Variants in FSIP1 observed in about 807,000 individuals in gnomAD.
The protein encoded by FSIP1 is fibrous sheath interacting protein 1, also known as fibrous sheath-interacting protein 1.
Under a neutral mutation model 60.9 loss-of-function variants are expected in FSIP1, and 65 were observed. The observed-to-expected ratio is 1.07, with a 90% CI of 0.87 to 1.31. FSIP1 has a LOEUF of 1.31. FSIP1 is among the 40% of genes most tolerant of loss of function. The probability of loss-of-function intolerance (pLI) is 0.00; values close to 1 mark genes in which losing one functional copy is unlikely to be tolerated. For missense variants in FSIP1, 675 were observed against 665.5 expected, an observed-to-expected ratio of 1.01 and a Z score of -0.16; for synonymous variants, 209 against 221.2, an observed-to-expected ratio of 0.94 and a Z score of 0.49.
chr15:39,761,857 T>C (rs1897510894), intron 5 of FSIP1, among the ~76,000 whole-genome samples: 1 of 152,192 alleles, frequency 6.6e-6, no homozygotes, highest in African/African-American at 2.4e-5. Context: ...CAATTTACAA[T>C]AAAAATTTTT....
rs750354141 is a variant in FSIP1 at position 39,741,804 on chromosome 15, C to A, written c.655+1G>T. On this transcript the variant is annotated splice_donor_variant, in intron 6 of 11. Coordinates refer to ENST00000350221, the MANE Select transcript of FSIP1 (RefSeq NM_152597.5). LOFTEE classifies it high-confidence loss of function. ...GTATAATCACACAAATTTAAATATA[C>A]CTTTATTGAGTTTCTGCATCTGCAT... The A allele has an allele frequency of 1.3e-5, 19 of 1,476,722 alleles. 1 individual carries two copies. The East Asian group carries it at 1.8e-4, about 14-fold the overall frequency. The allele number at this position is 1,476,722 out of a possible 1,614,324, so 91.5% of individuals were successfully genotyped here.
At position 39,756,191 on chromosome 15, in the gene FSIP1, T is replaced by C. The variant is rs76202788; in HGVS notation, c.559+7630A>G. On this transcript the variant is annotated intron_variant, in intron 5 of 11. Coordinates refer to ENST00000350221, the MANE Select transcript of FSIP1 (RefSeq NM_152597.5). ...TCTCTTGGAGTCAAGGCATCTTTTG[T>C]GTTTAGCACCTATAAATAAAAGTAA... 6.5e-3 allele frequency among the ~76,000 whole-genome samples: 996 copies of C among 152,294 alleles called. 8 individuals are homozygous for C. The highest frequency in any genetic ancestry group is 0.023 in the African/African-American group (942 of 41,580).
intron 10 of FSIP1, among the ~76,000 whole-genome samples, chr15:39,668,885 A>G (rs1022846723): frequency 2.6e-5 from 4 of 152,350 alleles, no homozygotes; most frequent in African/African-American, 9.6e-5. Flanking sequence ...GGAATAAGAC[A>G]CAGGTTATTC....
At chr15:39,702,673 A>G (rs1041957381) in intron 10 of FSIP1, among the ~76,000 whole-genome samples, 1 of 150,794 alleles carries the variant, frequency 6.6e-6, no homozygotes, top group African/African-American at 2.4e-5. Flanking sequence ...CCTCAATGCT[A>G]TACTGTTTAA....
intron 8 of FSIP1, among the ~76,000 whole-genome samples, chr15:39,732,729 T>G (rs1032082724): frequency 4.6e-5 from 7 of 152,178 alleles, no homozygotes; most frequent in Admixed American, 4.6e-4. Context: ...TCATTTAGTC[T>G]TCTTTAAGCT....
intron 9 of FSIP1, among the ~76,000 whole-genome samples, chr15:39,721,726 G>A (rs992837915): frequency 2.6e-5 from 4 of 152,198 alleles, no homozygotes; most frequent in African/African-American, 4.8e-5. Flanking sequence ...GCAGCAAACC[G>A]GAGAATCTGT....
chr15:39,634,563 A>G (rs956222145), intron 10 of FSIP1, among the ~76,000 whole-genome samples: 7 of 152,238 alleles, frequency 4.6e-5, no homozygotes, highest in Admixed American at 6.5e-5. Context: ...CTATTTGTCA[A>G]TGTAACTTTC....
At chr15:39,721,533 T>C (rs1895979588) in intron 9 of FSIP1, among the ~76,000 whole-genome samples, 1 of 152,252 alleles carries the variant, frequency 6.6e-6, no homozygotes, top group Non-Finnish European at 1.5e-5. Context: ...TCCTACAAGC[T>C]ACCTTGAGGT....
At chr15:39,780,842 C>A (rs1373646335) in intron 1 of FSIP1, among the ~76,000 whole-genome samples, 2 of 152,180 alleles carry the variant, frequency 1.3e-5, no homozygotes, top group African/African-American at 4.8e-5. Flanking sequence ...CCTGCCTCAG[C>A]CTGTCAAAGT....
intron 2 of FSIP1, among the ~76,000 whole-genome samples, chr15:39,770,922 CACTGGGATGGGCA>C (rs1416330380): frequency 6.6e-6 from 1 of 152,196 alleles, no homozygotes. Context: ...CTTGAGCTCA[CACTGGGATGGGCA>C]GTCAAAGGTC....
intron 10 of FSIP1, among the ~76,000 whole-genome samples, chr15:39,668,983 T>G (rs1051981628): frequency 6.6e-6 from 1 of 152,196 alleles, no homozygotes; most frequent in African/African-American, 2.4e-5. Flanking sequence ...GATAATGATA[T>G]AAGTATATGA....
At chr15:39,768,140 G>A (rs1897755571) in intron 3 of FSIP1, among the ~76,000 whole-genome samples, 1 of 152,178 alleles carries the variant, frequency 6.6e-6, no homozygotes, top group Admixed American at 6.5e-5. Context: ...CCCCTCTAGG[G>A]GTTTGAGCAG....
intron 8 of FSIP1, among the ~76,000 whole-genome samples, chr15:39,730,719 T>G (rs1053779420): frequency 2.0e-5 from 3 of 152,116 alleles, no homozygotes; most frequent in East Asian, 3.8e-4. Flanking sequence ...TGACCTAGAT[T>G]CAGCTATTTG....
intron 5 of FSIP1, among the ~76,000 whole-genome samples, chr15:39,762,254 C>A (rs1897526305): frequency 6.6e-6 from 1 of 152,178 alleles, no homozygotes; most frequent in South Asian, 2.1e-4. Flanking sequence ...TATCTGAAAT[C>A]AAGGTGTCAG....
At chr15:39,665,291 G>C (rs1893453103) in intron 10 of FSIP1, among the ~76,000 whole-genome samples, 1 of 152,142 alleles carries the variant, frequency 6.6e-6, no homozygotes, top group Admixed American at 6.6e-5. Flanking sequence ...TCGGTTATTA[G>C]ATCCTAAATC....
At chr15:39,777,595 G>C (rs1223531648) in intron 1 of FSIP1, among the ~76,000 whole-genome samples, 1 of 152,204 alleles carries the variant, frequency 6.6e-6, no homozygotes, top group African/African-American at 2.4e-5. Flanking sequence ...AGTGAGCGAT[G>C]CAGGCACATT....
At chr15:39,633,093 T>TTTTTTTC (rs1392161500) in intron 10 of FSIP1, among the ~76,000 whole-genome samples, 8 of 128,000 alleles carry the variant, frequency 6.3e-5, no homozygotes, top group African/African-American at 3.2e-4. Context: ...CTATACTTCT[T>TTTTTTTC]TTTTTTTTTT....
intron 10 of FSIP1, among the ~76,000 whole-genome samples, chr15:39,689,360 T>C (rs533522828): frequency 2.0e-5 from 3 of 152,306 alleles, no homozygotes; most frequent in East Asian, 1.9e-4. Flanking sequence ...TCTTTGGTCA[T>C]TGGTGATGAG....
intron 9 of FSIP1, among the ~76,000 whole-genome samples, chr15:39,718,298 A>T (rs944524070): frequency 6.7e-6 from 1 of 148,240 alleles, no homozygotes; most frequent in African/African-American, 2.6e-5. Flanking sequence ...AATTATATAC[A>T]TATATATGTG....
Sources: allele counts gnomAD v4.1 joint callset (sites outside exome capture counted in the v4.1 genomes callset), GRCh38; gene constraint gnomAD v4.1.1; transcripts MANE v1.5; gene names NCBI Gene and HGNC (gene_info 2026-07-23, HGNC 2026-07-21).